Variants in MUC22 observed in about 807,000 individuals in gnomAD.
The protein encoded by MUC22 is mucin 22.
A neutral mutation model predicts 40.3 loss-of-function variants in MUC22; 24 were observed. The ratio of observed to expected loss-of-function variants is 0.60; its 90% confidence interval spans 0.43 to 0.84. The LOEUF (loss-of-function observed/expected upper bound fraction) is 0.84, where lower values mean the gene tolerates loss of function less well. Ranked by LOEUF, MUC22 falls within the 40% of genes least tolerant of loss-of-function variation. The probability of loss-of-function intolerance (pLI) is 0.00; values close to 1 mark genes in which losing one functional copy is unlikely to be tolerated. For synonymous variants in MUC22, 765 were observed against 844.5 expected (o/e 0.91, Z 1.63); for missense variants, 1,926 against 2,130.7 (o/e 0.90, Z 1.89).
intron 1 of MUC22, among the ~76,000 whole-genome samples, chr6:31,014,530 G>T (rs753870014): frequency 4.6e-5 from 7 of 152,068 alleles, no homozygotes; most frequent in Non-Finnish European, 7.4e-5. Context: ...TTCCATCTTG[G>T]AGCATCACTT....
At chr6:31,019,619 T>C (rs1429839467) in intron 1 of MUC22, among the ~76,000 whole-genome samples, 1 of 152,144 alleles carries the variant, frequency 6.6e-6, no homozygotes, top group Non-Finnish European at 1.5e-5. Context: ...TTTGGGAGGC[T>C]GAGGTGGGCA....
chr6:31,028,750 A>G (rs1034761450), exon 2 of MUC22: 5 of 1,530,530 alleles, frequency 3.3e-6, no homozygotes, highest in African/African-American at 2.8e-5. Context: ...TGAGACCACT[A>G]CAGCCTCTAC....
chr6:31,024,964 G>C (rs4713418), intron 1 of MUC22, among the ~76,000 whole-genome samples: 22,748 of 151,200 alleles, frequency 0.15, 1,957 homozygotes, highest in East Asian at 0.32. Flanking sequence ...TCCGCCTTCC[G>C]GTTCAAGTGA....
chr6:31,029,696 G>T (rs1471886564), exon 2 of MUC22: 5 of 1,533,188 alleles, frequency 3.3e-6, no homozygotes, highest in Non-Finnish European at 4.4e-6. Flanking sequence ...TCTGCTGCAG[G>T]CTCTGAGGCC....
At chr6:31,024,349 A>G (rs1765101393) in intron 1 of MUC22, among the ~76,000 whole-genome samples, 1 of 152,230 alleles carries the variant, frequency 6.6e-6, no homozygotes, top group African/African-American at 2.4e-5. Flanking sequence ...TGATGGCTGT[A>G]TTATGGTTGC....
At chr6:31,017,463 A>C (rs566759524) in intron 1 of MUC22, among the ~76,000 whole-genome samples, 1 of 152,206 alleles carries the variant, frequency 6.6e-6, no homozygotes, top group South Asian at 2.1e-4. Context: ...TGTCTAGCTC[A>C]AGGTTTGTAA....
At chr6:31,006,486 C>T (rs1481124868), upstream of MUC22, among the ~76,000 whole-genome samples, 2 of 152,128 alleles carry the variant, frequency 1.3e-5, no homozygotes, top group African/African-American at 4.8e-5. Flanking sequence ...GTATATGATA[C>T]TACAATGGTG....
chr6:31,018,396 A>G (rs938155811), intron 1 of MUC22, among the ~76,000 whole-genome samples: 2 of 152,222 alleles, frequency 1.3e-5, no homozygotes, highest in Non-Finnish European at 2.9e-5. Flanking sequence ...GAATCTTTCC[A>G]GGATTCCACA....
upstream of MUC22, among the ~76,000 whole-genome samples, chr6:31,007,226 A>G (rs1422963924): frequency 6.8e-6 from 1 of 147,610 alleles, no homozygotes; most frequent in Non-Finnish European, 1.5e-5. This position sits in a 1 kb window ranked among gnomAD's most constrained non-coding sequence, Gnocchi z 4.0. Context: ...ACGTATACAC[A>G]ACAGAAAATT....
chr6:31,027,754 A>G (rs1362894958), exon 2 of MUC22: 1 of 1,530,394 alleles, frequency 6.5e-7, no homozygotes, highest in African/African-American at 1.4e-5. Context: ...AGGCTCTGAG[A>G]TGACCACAGT....
Position 31,011,254 on chromosome 6 carries a change from C to T in MUC22, c.70+478C>T, listed in dbSNP as rs1437599639. 1.3e-5 allele frequency among the ~76,000 whole-genome samples: 2 copies of T among 151,538 alleles called. No individual in the cohort carries two copies. Among genetic ancestry groups the T allele is most frequent in the Non-Finnish European group, 3.0e-5 (2 of 67,796 alleles). ...CAGGTGATATTTGGTTATGTAAGTG[C>T]TTTATTGGTGAATTGTGAGACTTTG... is the stretch of plus-strand genomic sequence containing the variant. On this transcript the variant is annotated intron_variant, in intron 1 of 3. Coordinates refer to ENST00000561890, the Ensembl canonical transcript of MUC22. This position sits in a 1 kb window ranked among gnomAD's most constrained non-coding sequence, Gnocchi z 4.5.
In MUC22 at chr6:31,014,090, C is replaced by A. The variant is rs1420208390; in HGVS notation, c.70+3314C>A. Among the ~76,000 whole-genome samples the A allele has an allele frequency of 3.3e-5, 5 of 152,110 alleles. No homozygotes were observed. The East Asian group carries it at 9.6e-4, about 29-fold the overall frequency. ...CCTCTAGTAACATTTATAACTGGGT[C>A]ATATAATTGCATTGTGATGACATTA... is the stretch of plus-strand genomic sequence containing the variant. On this transcript the variant is annotated intron_variant, in intron 1 of 3. Transcript: ENST00000561890.
exon 2 of MUC22, chr6:31,025,645 G>C (rs1451343134): frequency 7.2e-6 from 11 of 1,532,328 alleles, no homozygotes; most frequent in Admixed American, 2.0e-5. Flanking sequence ...CTCTACCACA[G>C]GCTCTGAGAC....
Position 31,031,356 on chromosome 6 carries a change from G to A in MUC22, c.4670-840G>A, listed in dbSNP as rs866874749. Among the ~76,000 whole-genome samples, 11 of 152,214 alleles carry A rather than the reference G, an allele frequency of 7.2e-5. No homozygotes were observed. The South Asian group carries it at 2.1e-3, about 29-fold the overall frequency. ...CAGTGTGGTAGATGATGTCACCTCT[G>A]TCCCAGCCACGGCCACTGGCATGCC... On this transcript the variant is annotated intron_variant, in intron 2 of 3. Transcript: ENST00000561890.
At chr6:31,015,586 A>G (rs902300527) in intron 1 of MUC22, among the ~76,000 whole-genome samples, 3 of 152,170 alleles carry the variant, frequency 2.0e-5, no homozygotes, top group South Asian at 4.1e-4. Flanking sequence ...CATTTGACTC[A>G]TAGTTTAGCT....
chr6:31,010,612 CA>C lies in MUC22; in HGVS notation c.-94del, dbSNP rs1763797501. On this transcript the variant is annotated 5_prime_UTR_variant, in exon 1 of 4. An upstream open reading frame in the 5' UTR gains an earlier in-frame stop. Coordinates refer to ENST00000561890, the Ensembl canonical transcript of MUC22. The stretch of plus-strand genomic sequence containing the variant: ...TGCAACTTTATTTTCTATCAAGGCC[CA>C]GGGGGTTTGCCCCTTGTCTCTCTGC... 2.9e-6 allele frequency: 2 copies of C among 683,684 alleles called. No homozygotes were observed. Among genetic ancestry groups the C allele is most frequent in the East Asian group, 5.4e-5 (2 of 37,030 alleles). The allele number at this position is 683,684 out of a possible 1,614,324, so 42.4% of individuals were successfully genotyped here. A position where few individuals can be genotyped will look rare whatever the true frequency, so the allele number is the denominator to read the frequency against.
chr6:31,013,818 T>G (rs954950031), intron 1 of MUC22, among the ~76,000 whole-genome samples: 5 of 152,194 alleles, frequency 3.3e-5, no homozygotes, highest in African/African-American at 4.8e-5. Flanking sequence ...CGTGAGCCAT[T>G]GCACCCGGCC....
intron 1 of MUC22, among the ~76,000 whole-genome samples, chr6:31,013,453 C>A (rs765854289): frequency 2.0e-5 from 3 of 152,022 alleles, no homozygotes; most frequent in Non-Finnish European, 4.4e-5. Flanking sequence ...GAAGGACTTC[C>A]CCACACTTGC....
In MUC22 at chr6:31,029,266, T is replaced by G. The variant is rs1209489504; in HGVS notation, c.3835T>G (p.Ser1279Ala). 8 of 1,528,280 alleles carry G rather than the reference T, an allele frequency of 5.2e-6. No individual in the cohort carries two copies. The African/African-American group carries it at 1.1e-4, about 21-fold the overall frequency. The allele number at this position is 1,528,280 out of a possible 1,614,324, so 94.7% of individuals were successfully genotyped here. ...CACAGGCACTGAGACTACCATCACC[T>G]CTACTGAAGGTTCAGAGACCACTAC... is the stretch of plus-strand genomic sequence containing the variant. The change falls in exon 2 of 4, where the codon TCT (serine) becomes GCT (alanine). Residue 1279 changes from serine to alanine, a missense_variant. Physicochemically the swap from Ser to Ala is moderately conservative, Grantham distance 99 (BLOSUM62 1). Coordinates refer to ENST00000561890, the Ensembl canonical transcript of MUC22.
Sources: gnomAD v4.1 joint callset for allele counts (sites outside exome capture counted in the v4.1 genomes callset) on GRCh38, gnomAD v4.1.1 for gene constraint, Gnocchi (gnomAD v3.1) non-coding constraint, MANE v1.5 for transcripts, NCBI Gene and HGNC (gene_info 2026-07-23, HGNC 2026-07-21) for gene names.